The following CCDC88C variants were observed in gnomAD, a reference collection of about 807,000 sequenced individuals.
CCDC88C encodes coiled-coil and HOOK domain protein 88C.
Under a neutral mutation model 198.8 loss-of-function variants are expected in CCDC88C, and 131 were observed. That is an observed-to-expected ratio of 0.66 (90% confidence interval 0.57 to 0.76). The LOEUF is 0.76. Ranked by LOEUF, CCDC88C falls within the 30% of genes least tolerant of loss-of-function variation. The probability of loss-of-function intolerance (pLI) is 0.00; values close to 1 mark genes in which losing one functional copy is unlikely to be tolerated. For synonymous variants in CCDC88C, 1,166 were observed against 1,114.7 expected (o/e 1.05, Z -0.92); for missense variants, 2,553 against 2,631.6 (o/e 0.97, Z 0.65).
chr14:91,401,602 T>C (rs1329470086), intron 3 of CCDC88C, among the ~76,000 whole-genome samples: 1 of 152,056 alleles, frequency 6.6e-6, no homozygotes, highest in East Asian at 1.9e-4. Context: ...CCCAAAGTGC[T>C]GGGATTACAG....
At chr14:91,320,065 T>G (rs1053405980) in intron 13 of CCDC88C, among the ~76,000 whole-genome samples, 2 of 150,776 alleles carry the variant, frequency 1.3e-5, no homozygotes, top group Admixed American at 1.3e-4. Context: ...AATGTGTGTT[T>G]GGTTGTTGCT....
rs973706451 is a variant in CCDC88C at position 91,273,022 on chromosome 14, G to C, written c.5690C>G (p.Ala1897Gly). The C allele has an allele frequency of 1.3e-6, 2 of 1,554,012 alleles. No individual in the cohort carries two copies. The highest frequency in any genetic ancestry group is 1.7e-6 in the Non-Finnish European group (2 of 1,154,386). The change falls in exon 30 of 30, where the codon GCC becomes GGC. Residue 1897 changes from alanine to glycine, a missense_variant. Physicochemically the swap from Ala to Gly is moderately conservative, Grantham distance 60 (BLOSUM62 0). Transcript: ENST00000389857. This position sits in a 1 kb window ranked among gnomAD's most constrained non-coding sequence, Gnocchi z 5.6. ...SLAPPKEERLAPLHQSATAPA... is the reference protein window; with the variant it reads ...SLAPPKEERLGPLHQSATAPA... Reference sequence around the variant, plus strand: ...GGCTGTGGCAGACTGATGCAGGGGGGCCAGCCTCTCCTCCTTTGGGGGAGC... The same window carrying C: ...GGCTGTGGCAGACTGATGCAGGGGGCCCAGCCTCTCCTCCTTTGGGGGAGC...
chr14:91,308,261 A>G, intron 17 of CCDC88C, 90 bp downstream of exon 17: 3 of 1,474,608 alleles, frequency 2.0e-6, no homozygotes, highest in Non-Finnish European at 2.8e-6. Flanking sequence ...ATGGGTATCC[A>G]GGCCACCCCA....
chr14:91,327,494 G>A (rs10438208), intron 10 of CCDC88C, among the ~76,000 whole-genome samples: 4,818 of 152,234 alleles, frequency 0.032, 113 homozygotes, highest in African/African-American at 0.064. Flanking sequence ...AGGGAGGCAG[G>A]GACAGTCCCT....
rs112623897 is a variant in CCDC88C, at chr14:91,371,243, CTTTT to C, written c.271-11536_271-11533del. On this transcript the variant is annotated intron_variant, in intron 3 of 29. Transcript: ENST00000389857. This position sits in a 1 kb window ranked among gnomAD's most constrained non-coding sequence, Gnocchi z 4.2. The stretch of plus-strand genomic sequence containing the variant: ...ACTGTGACTTCATGGTGGTAGAGTA[CTTTT>C]TTTTTTTAAGCTTCTTGGCAAAGTC... 6.7e-6 allele frequency among the ~76,000 whole-genome samples: 1 copy of C among 148,210 alleles called. No homozygotes were observed. Among genetic ancestry groups the C allele is most frequent in the African/African-American group, 2.5e-5 (1 of 40,402 alleles).
intron 4 of CCDC88C, among the ~76,000 whole-genome samples, chr14:91,354,221 C>G (rs1348463017): frequency 6.6e-6 from 1 of 152,218 alleles, no homozygotes; most frequent in African/African-American, 2.4e-5. Flanking sequence ...ATGCTTTCTT[C>G]CAGTGCAACT....
In CCDC88C at chr14:91,288,314, A is replaced by C. The variant is rs983134293; in HGVS notation, c.4441+791T>G. 6.6e-6 allele frequency among the ~76,000 whole-genome samples: 1 copy of C among 152,224 alleles called. No individual in the cohort carries two copies. Among genetic ancestry groups the C allele is most frequent in the African/African-American group, 2.4e-5 (1 of 41,466 alleles). On this transcript the variant is annotated intron_variant, in intron 25 of 29. Coordinates refer to ENST00000389857, the MANE Select transcript of CCDC88C (RefSeq NM_001080414.4). This position sits in a 1 kb window ranked among gnomAD's most constrained non-coding sequence, Gnocchi z 4.2. Reference sequence around the variant, plus strand: ...AGGACAGCCCTTAGGGAAAAGGCACAGTGTGTCCTGTGGCTGGTGGGACAC... The same window carrying C: ...AGGACAGCCCTTAGGGAAAAGGCACCGTGTGTCCTGTGGCTGGTGGGACAC...
At chr14:91,365,277 C>A (rs996470078) in intron 3 of CCDC88C, among the ~76,000 whole-genome samples, 3 of 151,880 alleles carry the variant, frequency 2.0e-5, no homozygotes, top group Non-Finnish European at 4.4e-5. Flanking sequence ...GAGTGGCAGG[C>A]AGGTGTCTGG....
chr14:91,296,020 C>T (rs1354236040), intron 22 of CCDC88C, among the ~76,000 whole-genome samples: 2 of 152,202 alleles, frequency 1.3e-5, no homozygotes, highest in East Asian at 3.9e-4. Context: ...TCAGCCCTGC[C>T]GGTTCACGGA....
At chr14:91,308,080 T>G (rs1373185955) in intron 17 of CCDC88C, among the ~76,000 whole-genome samples, 2 of 152,218 alleles carry the variant, frequency 1.3e-5, no homozygotes, top group African/African-American at 4.8e-5. Context: ...CATGGAGGGC[T>G]CTCAGGGGTG....
chr14:91,293,657 C>T (rs949034321), intron 23 of CCDC88C, among the ~76,000 whole-genome samples: 3 of 150,002 alleles, frequency 2.0e-5, no homozygotes, highest in Non-Finnish European at 4.5e-5. Context: ...TCAACTCCCC[C>T]TGTTTTTTTT....
At chr14:91,315,443 T>C (rs1214579475) in intron 14 of CCDC88C, among the ~76,000 whole-genome samples, 3 of 152,152 alleles carry the variant, frequency 2.0e-5, no homozygotes, top group African/African-American at 4.8e-5. Flanking sequence ...TCTTGAGACA[T>C]TGCCAAATGT....
rs890974976 is a variant in CCDC88C at position 91,338,719 on chromosome 14, A to C, written c.810-149T>G. Reference sequence around the variant, plus strand: ...AGGCGATCTGCTTATGGGGCCTGCAAAAATGTTACTGACTCAAAATTCTTT... The same window carrying C: ...AGGCGATCTGCTTATGGGGCCTGCACAAATGTTACTGACTCAAAATTCTTT... On this transcript the variant is annotated intron_variant, in intron 8 of 29. Transcript: ENST00000389857. This position sits in a 1 kb window ranked among gnomAD's most constrained non-coding sequence, Gnocchi z 4.8. 4.8e-6 allele frequency: 3 copies of C among 618,996 alleles called. No homozygotes were observed. In the African/African-American group the frequency reaches 5.5e-5, roughly 11 times the overall value. 38.3% of individuals were successfully genotyped at this position (618,996 alleles called of 1,614,324 possible). A position where few individuals can be genotyped will look rare whatever the true frequency, so the allele number is the denominator to read the frequency against.
chr14:91,277,903 C>G lies in CCDC88C; in HGVS notation c.5058+19G>C, dbSNP rs529341109. The G allele has an allele frequency of 6.8e-7, 1 of 1,474,080 alleles. No individual in the cohort carries two copies. The highest frequency in any genetic ancestry group is 1.4e-5 in the African/African-American group (1 of 71,178). 91.3% of individuals were successfully genotyped at this position (1,474,080 alleles called of 1,614,324 possible). A position where few individuals can be genotyped will look rare whatever the true frequency, so the allele number is the denominator to read the frequency against. On this transcript the variant is annotated intron_variant, in intron 29 of 29. Coordinates refer to ENST00000389857, the MANE Select transcript of CCDC88C (RefSeq NM_001080414.4). ...GAGAGGGAAGAGAGACGGGCCAAGTCCGTGTCCGGATCACTCACATGGGTG... is the reference window on the plus strand; with the variant it reads ...GAGAGGGAAGAGAGACGGGCCAAGTGCGTGTCCGGATCACTCACATGGGTG...
At chr14:91,319,451 G>A (rs1022239503) in intron 13 of CCDC88C, among the ~76,000 whole-genome samples, 1 of 152,220 alleles carries the variant, frequency 6.6e-6, no homozygotes, top group Non-Finnish European at 1.5e-5. Flanking sequence ...CCAGGGGAGG[G>A]AGAAAGCACT....
intron 3 of CCDC88C, 34 bp from the exon 4 acceptor site, chr14:91,359,745 G>A (rs2139903678): frequency 6.4e-7 from 1 of 1,572,886 alleles, no homozygotes; most frequent in Non-Finnish European, 8.7e-7. Context: ...ATACCATTAA[G>A]AACCGGAAAC....
intron 4 of CCDC88C, among the ~76,000 whole-genome samples, chr14:91,349,734 C>T (rs1893700740): frequency 6.6e-6 from 1 of 152,168 alleles, no homozygotes; most frequent in East Asian, 1.9e-4. Flanking sequence ...AGCAGAAATG[C>T]AATGCAGGCA....
chr14:91,325,096 G>A lies in CCDC88C; in HGVS notation c.1198-173C>T, dbSNP rs541313208. 2.0e-4 allele frequency among the ~76,000 whole-genome samples: 30 copies of A among 152,264 alleles called. No individual in the cohort carries two copies. Among genetic ancestry groups the A allele is most frequent in the African/African-American group, 6.7e-4 (28 of 41,532 alleles). ...CCCAACACAGGGCCCTGCTATGAGAGGGAAAGCCACTCAAAGGTACCCTGA... is the reference window on the plus strand; with the variant it reads ...CCCAACACAGGGCCCTGCTATGAGAAGGAAAGCCACTCAAAGGTACCCTGA... On this transcript the variant is annotated intron_variant, in intron 11 of 29. Coordinates refer to ENST00000389857, the MANE Select transcript of CCDC88C (RefSeq NM_001080414.4). This position sits in a 1 kb window ranked among gnomAD's most constrained non-coding sequence, Gnocchi z 4.1.
At chr14:91,330,011 A>G (rs1892749221) in intron 10 of CCDC88C, among the ~76,000 whole-genome samples, 1 of 152,236 alleles carries the variant, frequency 6.6e-6, no homozygotes, top group Non-Finnish European at 1.5e-5. Context: ...GTGTTCCAAC[A>G]CAACTGTGTT....
Sources: allele counts gnomAD v4.1 joint callset (sites outside exome capture counted in the v4.1 genomes callset), GRCh38; gene constraint gnomAD v4.1.1; non-coding constraint Gnocchi (gnomAD v3.1); transcripts MANE v1.5; gene names NCBI Gene and HGNC (gene_info 2026-07-23, HGNC 2026-07-21).